Variants in PTPRD observed in about 807,000 individuals in gnomAD.
PTPRD encodes the protein receptor-type tyrosine-protein phosphatase delta.
Under a neutral mutation model 214.5 loss-of-function variants are expected in PTPRD, and 34 were observed. That is an observed-to-expected ratio of 0.16 (90% CI 0.12 to 0.21). PTPRD has a LOEUF of 0.21. Ranked by LOEUF, PTPRD falls within the 10% of genes least tolerant of loss-of-function variation. The pLI, the probability that PTPRD is intolerant of heterozygous loss-of-function variation, is 1.00. For missense variants in PTPRD, 2,545 were observed against 2,398.7 expected (o/e 1.06, Z -1.27); for synonymous variants, 1,128 against 845.7 (o/e 1.33, Z -5.79).
intron 16 of PTPRD, 116 bp downstream of exon 16, chr9:8,527,229 G>A (rs918291141): frequency 9.3e-6 from 10 of 1,075,810 alleles, no homozygotes; most frequent in Non-Finnish European, 1.4e-5. Flanking sequence ...ACAGAGATCT[G>A]GTGTCTACAC....
At chr9:8,775,448 T>C (rs899175777) in intron 11 of PTPRD, among the ~76,000 whole-genome samples, 2 of 152,032 alleles carry the variant, frequency 1.3e-5, no homozygotes, top group African/African-American at 4.8e-5. Context: ...CAAAGCCATA[T>C]CCCTGGAAAG....
chr9:9,290,468 A>C (rs1317629105), intron 9 of PTPRD, among the ~76,000 whole-genome samples: 1 of 151,500 alleles, frequency 6.6e-6, no homozygotes, highest in Non-Finnish European at 1.5e-5. Context: ...GGATATAGTC[A>C]CTTGTTGATT....
intron 11 of PTPRD, among the ~76,000 whole-genome samples, chr9:8,999,698 G>A (rs1012243392): frequency 3.3e-5 from 5 of 151,854 alleles, no homozygotes; most frequent in African/African-American, 7.3e-5. Context: ...GGAATATTTC[G>A]ATAGTCCTTT....
intron 8 of PTPRD, among the ~76,000 whole-genome samples, chr9:9,551,495 T>C (rs2080227445): frequency 6.6e-6 from 1 of 151,882 alleles, no homozygotes; most frequent in African/African-American, 2.4e-5. Context: ...ATAGAATATA[T>C]ATATATGAAA....
chr9:9,195,896 A>T (rs577040939), intron 9 of PTPRD, among the ~76,000 whole-genome samples: 1 of 152,184 alleles, frequency 6.6e-6, no homozygotes, highest in Non-Finnish European at 1.5e-5. Flanking sequence ...ATTATTAAAT[A>T]CAAAGGCTAC....
At chr9:9,347,933 A>T (rs1449190653) in intron 9 of PTPRD, among the ~76,000 whole-genome samples, 1 of 152,178 alleles carries the variant, frequency 6.6e-6, no homozygotes, top group Non-Finnish European at 1.5e-5. Context: ...TTTCAGACAC[A>T]TCATAGTGAC....
At chr9:8,546,885 T>G (rs2080322186) in intron 14 of PTPRD, among the ~76,000 whole-genome samples, 1 of 152,192 alleles carries the variant, frequency 6.6e-6, no homozygotes, top group African/African-American at 2.4e-5. Flanking sequence ...CTTTCTCACG[T>G]CTAGAGATGT....
At chr9:9,619,358 G>A (rs2095094670) in intron 7 of PTPRD, among the ~76,000 whole-genome samples, 1 of 151,958 alleles carries the variant, frequency 6.6e-6, no homozygotes, top group South Asian at 2.1e-4. Flanking sequence ...AAAGTATGAA[G>A]AGGAGGCTTC....
At chr9:9,002,341 T>C (rs1473469848) in intron 11 of PTPRD, among the ~76,000 whole-genome samples, 1 of 151,834 alleles carries the variant, frequency 6.6e-6, no homozygotes, top group East Asian at 1.9e-4. Context: ...ATGAAAAGAA[T>C]TAAAAGAAAG....
intron 2 of PTPRD, among the ~76,000 whole-genome samples, chr9:10,481,796 G>A (rs751308769): frequency 6.6e-6 from 1 of 152,098 alleles, no homozygotes; most frequent in Admixed American, 6.6e-5. Flanking sequence ...AGTAGCAGTC[G>A]AAGTAAGGCA....
intron 5 of PTPRD, among the ~76,000 whole-genome samples, chr9:9,900,171 C>A (rs1456771452): frequency 1.3e-5 from 2 of 152,176 alleles, no homozygotes; most frequent in African/African-American, 4.8e-5. Context: ...ACCACATGCC[C>A]AGGCTGCAGA....
chr9:10,232,314 TA>T (rs1407119658), intron 3 of PTPRD, among the ~76,000 whole-genome samples: 1 of 151,930 alleles, frequency 6.6e-6, no homozygotes, highest in East Asian at 1.9e-4. Context: ...AATGATCCAC[TA>T]ATCCAGAAAT....
chr9:10,189,859 G>C (rs1225006145), intron 3 of PTPRD, among the ~76,000 whole-genome samples: 1 of 152,118 alleles, frequency 6.6e-6, no homozygotes, highest in Non-Finnish European at 1.5e-5. Flanking sequence ...GGGAATGGGA[G>C]AGAGAGTTTT....
chr9:9,827,099 A>G (rs2053159536), intron 5 of PTPRD, among the ~76,000 whole-genome samples: 1 of 152,130 alleles, frequency 6.6e-6, no homozygotes, highest in Non-Finnish European at 1.5e-5. Flanking sequence ...GACAGACTCA[A>G]TGCCATCCTC....
At chr9:10,217,657 A>C (rs1159888771) in intron 3 of PTPRD, among the ~76,000 whole-genome samples, 1 of 151,866 alleles carries the variant, frequency 6.6e-6, no homozygotes, top group Non-Finnish European at 1.5e-5. Context: ...ATTCAACTAA[A>C]CCATCTAAAG....
intron 11 of PTPRD, among the ~76,000 whole-genome samples, chr9:8,986,038 A>T (rs1238984603): frequency 1.3e-5 from 2 of 152,070 alleles, no homozygotes; most frequent in Non-Finnish European, 2.9e-5. Flanking sequence ...TTATAAAACT[A>T]ACTTTTTGAG....
intron 10 of PTPRD, among the ~76,000 whole-genome samples, chr9:9,036,932 T>G (rs1269063260): frequency 6.6e-6 from 1 of 152,168 alleles, no homozygotes; most frequent in Non-Finnish European, 1.5e-5. Flanking sequence ...TTCAATGAAC[T>G]GGGATGCTTC....
intron 37 of PTPRD, among the ~76,000 whole-genome samples, chr9:8,383,666 C>A (rs2085932586): frequency 6.6e-6 from 1 of 152,168 alleles, no homozygotes; most frequent in South Asian, 2.1e-4. Flanking sequence ...CTAATTGGCA[C>A]AGCCCACATT....
intron 35 of PTPRD, among the ~76,000 whole-genome samples, chr9:8,405,644 A>T (rs2092899245): frequency 6.6e-6 from 1 of 152,176 alleles, no homozygotes; most frequent in Admixed American, 6.6e-5. Context: ...TTATAATTTC[A>T]TTGTTATATG....
Sources: gnomAD v4.1 joint callset for allele counts (sites outside exome capture counted in the v4.1 genomes callset) on GRCh38, gnomAD v4.1.1 for gene constraint, MANE v1.5 for transcripts, NCBI Gene and HGNC (gene_info 2026-07-23, HGNC 2026-07-21) for gene names.